The following TBC1D4 variants were observed in gnomAD, a reference collection of about 807,000 sequenced individuals.
TBC1D4 encodes TBC (Tre-2, BUB2, CDC16) domain-containing protein.
TBC1D4 carries 121 observed loss-of-function variants against 142.5 expected under a neutral mutation model. That is an observed-to-expected ratio of 0.85 (90% CI 0.73 to 0.99). TBC1D4 has a LOEUF of 0.99. Among genes scored for constraint, TBC1D4 ranks in the 50% least tolerant of loss-of-function variants. The pLI, the probability that TBC1D4 is intolerant of heterozygous loss-of-function variation, is 0.00. For synonymous variants in TBC1D4, 630 were observed against 628.2 expected (o/e 1.00, Z -0.04); for missense variants, 1,475 against 1,606.6 (o/e 0.92, Z 1.40).
chr13:75,295,684 A>T (rs917042793), intron 17 of TBC1D4, among the ~76,000 whole-genome samples: 5 of 152,220 alleles, frequency 3.3e-5, no homozygotes, highest in African/African-American at 1.2e-4. Flanking sequence ...GGTTATTGGC[A>T]TTTCAGAAAA....
intron 1 of TBC1D4, among the ~76,000 whole-genome samples, chr13:75,379,766 G>C (rs1165385667): frequency 1.3e-5 from 2 of 151,658 alleles, no homozygotes; most frequent in Non-Finnish European, 2.9e-5. Context: ...TCCTGGGTCA[G>C]CTAAAACTCC....
intron 1 of TBC1D4, among the ~76,000 whole-genome samples, chr13:75,454,434 A>G (rs1887648196): frequency 6.6e-6 from 1 of 152,214 alleles, no homozygotes; most frequent in Non-Finnish European, 1.5e-5. Context: ...ATTAATATAA[A>G]TGTTAGCATA....
In TBC1D4 at chr13:75,351,756, A is replaced by G. The variant is rs549257864; in HGVS notation, c.1276-2454T>C. Among the ~76,000 whole-genome samples, 107 of 152,130 alleles carry G rather than the reference A, an allele frequency of 7.0e-4. 1 individual carries two copies. The South Asian group carries it at 0.022, about 31-fold the overall frequency. ...CCCTAACATGAACTCATCATTTTTTATGGCTGCATAGTATTCCATGGTGTA... is the reference window on the plus strand; with the variant it reads ...CCCTAACATGAACTCATCATTTTTTGTGGCTGCATAGTATTCCATGGTGTA... On this transcript the variant is annotated intron_variant, in intron 4 of 20. Transcript: ENST00000377636.
rs372730935 is a variant in TBC1D4 at position 75,319,919 on chromosome 13, G to C, written c.2222+95C>G. ...ACTCAGAAAGATGGCATGCATTCAGGAGACAAACAAAACTGCTTTTTAAAC... is the reference window on the plus strand; with the variant it reads ...ACTCAGAAAGATGGCATGCATTCAGCAGACAAACAAAACTGCTTTTTAAAC... On this transcript the variant is annotated intron_variant, in intron 12 of 20. Coordinates refer to ENST00000377636, the MANE Select transcript of TBC1D4 (RefSeq NM_014832.5). 3.7e-6 allele frequency: 5 copies of C among 1,341,740 alleles called. No individual in the cohort carries two copies. The African/African-American group carries it at 7.3e-5, about 20-fold the overall frequency. The allele number at this position is 1,341,740 out of a possible 1,614,324, so 83.1% of individuals were successfully genotyped here. A position where few individuals can be genotyped will look rare whatever the true frequency, so the allele number is the denominator to read the frequency against.
At chr13:75,460,784 A>G (rs1242644272) in intron 1 of TBC1D4, among the ~76,000 whole-genome samples, 1 of 152,240 alleles carries the variant, frequency 6.6e-6, no homozygotes. Context: ...ATGGCCAGAC[A>G]TGGTGGCACA....
intron 4 of TBC1D4, among the ~76,000 whole-genome samples, chr13:75,355,673 G>C (rs1881984079): frequency 6.6e-6 from 1 of 152,084 alleles, no homozygotes; most frequent in South Asian, 2.1e-4. Context: ...GAAAATTAAG[G>C]TTAAAGTAAG....
chr13:75,394,279 T>C (rs1369517027), intron 1 of TBC1D4, among the ~76,000 whole-genome samples: 1 of 152,218 alleles, frequency 6.6e-6, no homozygotes, highest in African/African-American at 2.4e-5. Context: ...GACCCATTAA[T>C]TTTGAGCTCA....
intron 1 of TBC1D4, among the ~76,000 whole-genome samples, chr13:75,398,918 C>T (rs1048643454): frequency 5.3e-5 from 8 of 152,132 alleles, no homozygotes; most frequent in African/African-American, 9.7e-5. Context: ...AACCTGACAC[C>T]CAGCCTAAAG....
intron 1 of TBC1D4, among the ~76,000 whole-genome samples, chr13:75,412,912 C>T (rs376538270): frequency 1.6e-3 from 250 of 152,282 alleles, no homozygotes; most frequent in African/African-American, 5.5e-3. Flanking sequence ...ATTCCCTCAA[C>T]AAATGTTTAT....
At chr13:75,413,296 G>A (rs984053253) in intron 1 of TBC1D4, among the ~76,000 whole-genome samples, 1 of 152,056 alleles carries the variant, frequency 6.6e-6, no homozygotes, top group African/African-American at 2.4e-5. Flanking sequence ...CGAGTAGCTG[G>A]GACTACAGGT....
At chr13:75,339,449 C>A (rs574856044) in intron 7 of TBC1D4, among the ~76,000 whole-genome samples, 1 of 152,242 alleles carries the variant, frequency 6.6e-6, no homozygotes, top group Admixed American at 6.5e-5. Context: ...TAAGGCCCTT[C>A]CTCATCTCAT....
Position 75,470,857 on chromosome 13 carries a change from C to T in TBC1D4, c.498+10413G>A, listed in dbSNP as rs375198158. Among the ~76,000 whole-genome samples the T allele has an allele frequency of 6.4e-3, 975 of 151,972 alleles. 13 individuals are homozygous for T. Among genetic ancestry groups the T allele is most frequent in the African/African-American group, 0.021 (868 of 41,436 alleles). On this transcript the variant is annotated intron_variant, in intron 1 of 20. Coordinates refer to ENST00000377636, the MANE Select transcript of TBC1D4 (RefSeq NM_014832.5). ...CATAAACTAGCCAGGTGCGGTGGAG[C>T]GTGCCTGTAGTCCCAGATACTTGGG...
intron 19 of TBC1D4, among the ~76,000 whole-genome samples, chr13:75,290,785 A>G (rs1251266442): frequency 6.6e-6 from 1 of 152,194 alleles, no homozygotes; most frequent in Non-Finnish European, 1.5e-5. Flanking sequence ...CAAAACTATA[A>G]TAGAATCTAC....
rs552095322 is a variant in TBC1D4 at position 75,412,509 on chromosome 13, T to C, written c.499-49902A>G. 2.0e-3 allele frequency among the ~76,000 whole-genome samples: 312 copies of C among 152,198 alleles called. 1 individual carries two copies. Among genetic ancestry groups the C allele is most frequent in the Non-Finnish European group, 3.8e-3 (258 of 68,018 alleles). ...TTAATGAAGACAAGGTCTCACTATG[T>C]TGCAAGGCTGGTCTCAAACTCCTGG... is the stretch of plus-strand genomic sequence containing the variant. On this transcript the variant is annotated intron_variant, in intron 1 of 20. Transcript: ENST00000377636.
At chr13:75,378,206 T>G (rs1160417359) in intron 1 of TBC1D4, among the ~76,000 whole-genome samples, 1 of 152,172 alleles carries the variant, frequency 6.6e-6, no homozygotes, top group Non-Finnish European at 1.5e-5. Context: ...TCAATTTTAC[T>G]AAAAGTTGGT....
In TBC1D4 at chr13:75,362,146, G is replaced by A. The variant is rs769055161; in HGVS notation, c.960C>T (p.Thr320=). The A allele has an allele frequency of 9.3e-6, 15 of 1,613,362 alleles. No individual in the cohort carries two copies. Among genetic ancestry groups the A allele is most frequent in the South Asian group, 7.7e-5 (7 of 91,032 alleles). Residue 320 remains threonine, a synonymous_variant, in exon 2 of 21, where the codon ACC becomes ACT. Coordinates refer to ENST00000377636, the MANE Select transcript of TBC1D4 (RefSeq NM_014832.5). The surrounding 1 kb of genome is among the most constrained non-coding windows in gnomAD (Gnocchi z 4.2). ...CCTCGTGAACTCTCCGTTGCACGCC[G>A]GTGACACTGCTGCACCGAGACCGAA... ...QEFRSRCSSV[T]GVQRRVHEGS... is the part of the protein sequence containing the mutation.
At chr13:75,468,014 A>G (rs371668159) in intron 1 of TBC1D4, among the ~76,000 whole-genome samples, 3 of 151,914 alleles carry the variant, frequency 2.0e-5, no homozygotes, top group African/African-American at 7.3e-5. Context: ...CCATTCATTC[A>G]TTTCCCTTTT....
intron 1 of TBC1D4, among the ~76,000 whole-genome samples, chr13:75,424,445 T>A (rs750430765): frequency 6.6e-5 from 10 of 152,088 alleles, no homozygotes; most frequent in Non-Finnish European, 1.3e-4. Flanking sequence ...CTATCCAAAG[T>A]GATCTACAGA....
intron 1 of TBC1D4, among the ~76,000 whole-genome samples, chr13:75,430,864 T>C (rs1049127157): frequency 3.3e-5 from 5 of 152,308 alleles, no homozygotes; most frequent in African/African-American, 1.2e-4. Context: ...GTGTGTCTGC[T>C]CACATTTACC....
Sources: allele counts gnomAD v4.1 joint callset (sites outside exome capture counted in the v4.1 genomes callset), GRCh38; gene constraint gnomAD v4.1.1; non-coding constraint Gnocchi (gnomAD v3.1); transcripts MANE v1.5; gene names NCBI Gene and HGNC (gene_info 2026-07-23, HGNC 2026-07-21).